The following PRMT3 variants were observed in gnomAD, a reference collection of about 807,000 sequenced individuals.
PRMT3 encodes the protein protein arginine N-methyltransferase 3.
In PRMT3, 62 loss-of-function variants were observed where a neutral mutation model predicts 71.9. That is an observed-to-expected ratio of 0.86 (90% CI 0.70 to 1.07). The LOEUF is 1.07. Ranked by LOEUF, PRMT3 falls within the 50% of genes least tolerant of loss-of-function variation. The pLI is 0.00. For synonymous variants in PRMT3, 213 were observed against 220.4 expected (o/e 0.97, Z 0.30); for missense variants, 663 against 643.0 (o/e 1.03, Z -0.34).
At position 20,389,870 on chromosome 11, in the gene PRMT3, G is replaced by A. The variant is rs532353516; in HGVS notation, c.247+44G>A. ...AAAGGCAATTTAATTTGTGAAATTT[G>A]GGCAGGCATGGCAGCTCACACCTGT... On this transcript the variant is annotated intron_variant, in intron 3 of 15. Coordinates refer to ENST00000331079, the MANE Select transcript of PRMT3 (RefSeq NM_005788.4). 9 of 1,408,992 alleles carry A rather than the reference G, an allele frequency of 6.4e-6. No individual in the cohort carries two copies. The African/African-American group carries it at 1.1e-4, about 18-fold the overall frequency. 87.3% of individuals were successfully genotyped at this position (1,408,992 alleles called of 1,614,324 possible).
intron 12 of PRMT3, among the ~76,000 whole-genome samples, chr11:20,462,951 C>T (rs962260834): frequency 3.3e-5 from 5 of 152,010 alleles, no homozygotes; most frequent in Admixed American, 2.0e-4. Flanking sequence ...CTGCAATCTC[C>T]GCCTCCCGTG....
intron 10 of PRMT3, among the ~76,000 whole-genome samples, chr11:20,436,858 G>A (rs575401590): frequency 1.3e-5 from 2 of 152,228 alleles, no homozygotes; most frequent in South Asian, 2.1e-4. Context: ...AGAGTAATCG[G>A]TGTTAGTTCT....
rs938371050 is a variant in PRMT3 at position 20,508,588 on chromosome 11, G to C, written c.*175G>C. 1.4e-6 allele frequency: 1 copy of C among 695,664 alleles called. No individual in the cohort carries two copies. Among genetic ancestry groups the C allele is most frequent in the African/African-American group, 1.8e-5 (1 of 56,940 alleles). The allele number at this position is 695,664 out of a possible 1,614,324, so 43.1% of individuals were successfully genotyped here. On this transcript the variant is annotated 3_prime_UTR_variant, in exon 16 of 16. Transcript: ENST00000331079. ...AATCTGACATAGTTCAGCTGAGGAA[G>C]AGAATCAGCTGATCCTCATGGTCTG...
chr11:20,484,172 C>T lies in PRMT3; in HGVS notation c.1348-9747C>T, dbSNP rs961659967. Among the ~76,000 whole-genome samples, 9 of 152,174 alleles carry T rather than the reference C, an allele frequency of 5.9e-5. No homozygotes were observed. The East Asian group carries it at 7.7e-4, about 13-fold the overall frequency. On this transcript the variant is annotated intron_variant, in intron 13 of 15. Transcript: ENST00000331079. ...TGCTTAGGCAGTGAGGATGCAGAGG[C>T]GAACAAAGAAATGGTAAGACTGCCC...
At chr11:20,504,707 T>TGTGTGTGTGTGAGAGAGAGAGA (rs1332372470) in intron 15 of PRMT3, among the ~76,000 whole-genome samples, 7 of 133,584 alleles carry the variant, frequency 5.2e-5, no homozygotes, top group African/African-American at 2.1e-4. Flanking sequence ...TGTGTGTGTG[T>TGTGTGTGTGTGAGAGAGAGAGA]GAGAGAGAGA....
At chr11:20,416,307 A>G (rs1002556076) in intron 9 of PRMT3, among the ~76,000 whole-genome samples, 4 of 152,286 alleles carry the variant, frequency 2.6e-5, no homozygotes, top group Non-Finnish European at 4.4e-5. Context: ...GGTAAATTAC[A>G]TATGATTCTA....
At chr11:20,413,551 C>T (rs557128897) in intron 9 of PRMT3, among the ~76,000 whole-genome samples, 7 of 152,218 alleles carry the variant, frequency 4.6e-5, no homozygotes, top group African/African-American at 1.7e-4. Flanking sequence ...TAAATGTTAG[C>T]AGTAATGATA....
rs369074879 is a variant in PRMT3, at chr11:20,407,695, C to T, written c.772-216C>T. The T allele has an allele frequency of 1.4e-3, 515 of 361,328 alleles. 10 individuals carry two copies. The South Asian group carries it at 0.015, about 10-fold the overall frequency. The allele number at this position is 361,328 out of a possible 1,614,324, so 22.4% of individuals were successfully genotyped here. On this transcript the variant is annotated intron_variant, in intron 8 of 15. Coordinates refer to ENST00000331079, the MANE Select transcript of PRMT3 (RefSeq NM_005788.4). ...ATACTAATAAATTATAATTTCAATA[C>T]GTAATGGAAAGAGCCGGGCATGGTG...
chr11:20,494,876 C>T (rs1851297601), intron 15 of PRMT3, among the ~76,000 whole-genome samples: 1 of 152,122 alleles, frequency 6.6e-6, no homozygotes, highest in African/African-American at 2.4e-5. Context: ...TATTTTCTTT[C>T]TCCAAGTGAC....
rs1438845211 is a variant in PRMT3 at position 20,404,228 on chromosome 11, T to TGTTTTGTTTTG, written c.771+1244_771+1245insGTTTTGTTTTG. ...TTTTCATAGTTTTTTTTTTTTTTTTTTTTTTTTTTTTTTTTTTTTTTTTTG... is the reference window on the plus strand; with the variant it reads ...TTTTCATAGTTTTTTTTTTTTTTTTTGTTTTGTTTTGTTTTTTTTTTTTTTTTTTTTTTTTG... On this transcript the variant is annotated intron_variant, in intron 8 of 15. Transcript: ENST00000331079. Among the ~76,000 whole-genome samples the TGTTTTGTTTTG allele has an allele frequency of 1.3e-3, 128 of 101,838 alleles. 3 individuals are homozygous for TGTTTTGTTTTG. Among genetic ancestry groups the TGTTTTGTTTTG allele is most frequent in the East Asian group, 9.3e-3 (32 of 3,448 alleles). The allele number at this position is 101,838 out of a possible 152,430, so 66.8% of individuals were successfully genotyped here.
At position 20,509,066 on chromosome 11, in the gene PRMT3, A is replaced by T. The variant is rs977595813; in HGVS notation, c.*653A>T. 4 of 153,096 alleles carry T rather than the reference A, an allele frequency of 2.6e-5. No homozygotes were observed. Among genetic ancestry groups the T allele is most frequent in the Non-Finnish European group, 5.8e-5 (4 of 68,624 alleles). 9.5% of individuals were successfully genotyped at this position (153,096 alleles called of 1,614,324 possible). On this transcript the variant is annotated 3_prime_UTR_variant, in exon 16 of 16. Coordinates refer to ENST00000331079, the MANE Select transcript of PRMT3 (RefSeq NM_005788.4). ...ATTTCTAGTACTGCCCAGGAAATCT[A>T]ATTTCAATACATTTATCCTAGGTTT...
rs533362178 is a variant in PRMT3, at chr11:20,411,594, T to C, written c.893+3562T>C. On this transcript the variant is annotated intron_variant, in intron 9 of 15. Coordinates refer to ENST00000331079, the MANE Select transcript of PRMT3 (RefSeq NM_005788.4). The stretch of plus-strand genomic sequence containing the variant: ...TCAGTTTCACTACTGCAAATAATTA[T>C]TTTCTTGCTGTAATGTTAGCAGTCA... 1.3e-4 allele frequency among the ~76,000 whole-genome samples: 20 copies of C among 152,218 alleles called. No homozygotes were observed. In the South Asian group the frequency reaches 2.3e-3, roughly 17 times the overall value.
chr11:20,438,939 C>T (rs1849822794), intron 10 of PRMT3, among the ~76,000 whole-genome samples: 1 of 152,152 alleles, frequency 6.6e-6, no homozygotes, highest in Non-Finnish European at 1.5e-5. Flanking sequence ...AGTGCCTCCA[C>T]CTCTGCTTTG....
At chr11:20,492,180 A>G (rs968120192) in intron 13 of PRMT3, among the ~76,000 whole-genome samples, 1 of 152,220 alleles carries the variant, frequency 6.6e-6, no homozygotes, top group African/African-American at 2.4e-5. Flanking sequence ...ACATTTGCTC[A>G]TCAAATATTG....
At chr11:20,472,308 C>CATT (rs1850665669) in intron 13 of PRMT3, among the ~76,000 whole-genome samples, 1 of 152,036 alleles carries the variant, frequency 6.6e-6, no homozygotes, top group Admixed American at 6.5e-5. Context: ...CCACCTGTTG[C>CATT]CCATTCAGTG....
chr11:20,435,615 T>C (rs1039420556), intron 10 of PRMT3, among the ~76,000 whole-genome samples: 2 of 152,202 alleles, frequency 1.3e-5, no homozygotes, highest in Admixed American at 6.5e-5. Context: ...CTCCAATAAA[T>C]GTTTTTGGTA....
intron 9 of PRMT3, among the ~76,000 whole-genome samples, chr11:20,423,913 G>A (rs1455815865): frequency 1.4e-4 from 21 of 146,340 alleles, no homozygotes; most frequent in East Asian, 3.9e-4. Context: ...GGCCAGGCGC[G>A]GTGGCTGACG....
chr11:20,426,829 T>C lies in PRMT3; in HGVS notation c.957T>C (p.Pro319=), dbSNP rs770735371. Residue 319 remains proline (P), a synonymous_variant, in exon 10 of 16, where the codon CCT becomes CCC. Transcript: ENST00000331079. ...GAAAGATTGAAGAAGTTCATCTTCCTGTAGAAAAAGTAGATGTTATCATAT... is the reference window on the plus strand; with the variant it reads ...GAAAGATTGAAGAAGTTCATCTTCCCGTAGAAAAAGTAGATGTTATCATAT... The part of the protein sequence containing the change: ...IKGKIEEVHL[P]VEKVDVIISE... The C allele has an allele frequency of 2.6e-6, 4 of 1,529,446 alleles. No homozygotes were observed. The highest frequency in any genetic ancestry group is 3.5e-6 in the Non-Finnish European group (4 of 1,150,326). 94.7% of individuals were successfully genotyped at this position (1,529,446 alleles called of 1,614,324 possible).
chr11:20,489,813 G>A (rs1227565557), intron 13 of PRMT3, among the ~76,000 whole-genome samples: 1 of 148,996 alleles, frequency 6.7e-6, no homozygotes, highest in Non-Finnish European at 1.5e-5. Context: ...TTAGTAGCAT[G>A]CAACTGTTGT....
Sources: allele counts gnomAD v4.1 joint callset (sites outside exome capture counted in the v4.1 genomes callset), GRCh38; gene constraint gnomAD v4.1.1; transcripts MANE v1.5; gene names NCBI Gene and HGNC (gene_info 2026-07-23, HGNC 2026-07-21).